EPHA7: variants seen among roughly 807,000 people sequenced by gnomAD.
EPHA7 encodes the protein EPH receptor A7.
EPHA7 carries 25 observed loss-of-function variants against 112.6 expected under a neutral mutation model. The observed-to-expected ratio is 0.22, with a 90% CI of 0.16 to 0.31. The LOEUF (loss-of-function observed/expected upper bound fraction) is 0.31. Among genes scored for constraint, EPHA7 ranks in the 10% least tolerant of loss-of-function variants. EPHA7 has a pLI of 1.00. For missense variants in EPHA7, 962 were observed against 1,212.6 expected (o/e 0.79, Z 3.07); for synonymous variants, 437 against 406.5 (o/e 1.07, Z -0.90).
chr6:93,361,954 A>G (rs1776282189), intron 3 of EPHA7, among the ~76,000 whole-genome samples: 1 of 152,088 alleles, frequency 6.6e-6, no homozygotes, highest in Admixed American at 6.6e-5. Context: ...CATTCACTAT[A>G]TTGATAAAAA....
rs1442332580 is a variant in EPHA7 at position 93,356,805 on chromosome 6, A to C, written c.1236T>G (p.Thr412=). The C allele has an allele frequency of 6.2e-7, 1 of 1,614,182 alleles. No individual in the cohort carries two copies. The highest frequency in any genetic ancestry group is 1.6e-4 in the Middle Eastern group (1 of 6,062). Residue 412 remains threonine (T), a synonymous_variant, in exon 5 of 17, where the codon ACT becomes ACG. Coordinates refer to ENST00000369303, the MANE Select transcript of EPHA7 (RefSeq NM_004440.4). ...CTCCATTTACAGCTTCAACTTCAAA[A>C]GTATAATTAGCGTGGGCTAGCAGGT... ...VMDLLAHANY[T]FEVEAVNGVS...
At chr6:93,341,070 G>A (rs72914257) in intron 5 of EPHA7, among the ~76,000 whole-genome samples, 1 of 151,588 alleles carries the variant, frequency 6.6e-6, no homozygotes, top group Non-Finnish European at 1.5e-5. Context: ...ATTCTTGCTG[G>A]GTAAGCATTA....
At chr6:93,308,336 C>G (rs1773362144) in intron 5 of EPHA7, among the ~76,000 whole-genome samples, 1 of 151,944 alleles carries the variant, frequency 6.6e-6, no homozygotes, top group Admixed American at 6.6e-5. Context: ...TTACATTATA[C>G]CAAAGGAAAA....
At chr6:93,313,209 C>A (rs75964056) in intron 5 of EPHA7, among the ~76,000 whole-genome samples, 2 of 152,022 alleles carry the variant, frequency 1.3e-5, no homozygotes, top group African/African-American at 4.8e-5. Flanking sequence ...AGAATAAAAC[C>A]AGGTATGTCT....
At chr6:93,295,674 A>G (rs898146361) in intron 5 of EPHA7, among the ~76,000 whole-genome samples, 2 of 151,706 alleles carry the variant, frequency 1.3e-5, no homozygotes. Flanking sequence ...ATTTTCTTTG[A>G]AAGTGTTTAT....
At chr6:93,296,145 A>G (rs1772651476) in intron 5 of EPHA7, among the ~76,000 whole-genome samples, 1 of 151,508 alleles carries the variant, frequency 6.6e-6, no homozygotes, top group African/African-American at 2.4e-5. Context: ...ATAGCCCCTT[A>G]TAGATTTAAT....
At chr6:93,250,937 G>A (rs1770180037) in intron 14 of EPHA7, among the ~76,000 whole-genome samples, 1 of 152,018 alleles carries the variant, frequency 6.6e-6, no homozygotes, top group Non-Finnish European at 1.5e-5. Context: ...AAAAACAAAA[G>A]TTACTTACTG....
At chr6:93,284,034 G>A (rs953243181) in intron 5 of EPHA7, among the ~76,000 whole-genome samples, 3 of 152,122 alleles carry the variant, frequency 2.0e-5, no homozygotes, top group Non-Finnish European at 4.4e-5. Flanking sequence ...AAAAATGCTT[G>A]ATAGTTCCAT....
chr6:93,258,948 A>T (rs1402296776), intron 10 of EPHA7, among the ~76,000 whole-genome samples: 1 of 151,936 alleles, frequency 6.6e-6, no homozygotes, highest in South Asian at 2.1e-4. Context: ...ACAATGGCTA[A>T]TACCTACAAA....
intron 5 of EPHA7, among the ~76,000 whole-genome samples, chr6:93,332,735 A>G (rs1466845864): frequency 1.3e-5 from 2 of 151,732 alleles, no homozygotes; most frequent in African/African-American, 4.8e-5. Flanking sequence ...TTGAATTTCA[A>G]ATAAACTGAT....
intron 16 of EPHA7, among the ~76,000 whole-genome samples, 195 bp downstream of exon 16, chr6:93,245,103 A>G (rs1474692234): frequency 6.6e-6 from 1 of 152,220 alleles, no homozygotes; most frequent in Non-Finnish European, 1.5e-5. Flanking sequence ...ATTGTTGTGA[A>G]GGTTAAAAAG....
intron 5 of EPHA7, among the ~76,000 whole-genome samples, chr6:93,285,933 C>A (rs997687313): frequency 6.6e-6 from 1 of 152,110 alleles, no homozygotes; most frequent in African/African-American, 2.4e-5. Context: ...TGGAACACAG[C>A]GGCACCCTTT....
At chr6:93,403,656 T>C (rs973047612) in intron 3 of EPHA7, among the ~76,000 whole-genome samples, 14 of 137,516 alleles carry the variant, frequency 1.0e-4, no homozygotes, top group Admixed American at 7.5e-5. Context: ...GCAACACTCA[T>C]CTCTTAAAAA....
intron 14 of EPHA7, among the ~76,000 whole-genome samples, chr6:93,248,705 C>CAAA (rs1204111987): frequency 6.8e-6 from 1 of 147,426 alleles, no homozygotes; most frequent in Admixed American, 6.8e-5. Flanking sequence ...ACAACAACAA[C>CAAA]AAAAAACGGA....
intron 5 of EPHA7, among the ~76,000 whole-genome samples, chr6:93,291,348 C>T (rs1363101585): frequency 1.3e-5 from 2 of 152,158 alleles, no homozygotes; most frequent in African/African-American, 4.8e-5. Context: ...AAGGCTTTTA[C>T]GGTTTTTGTT....
intron 6 of EPHA7, among the ~76,000 whole-genome samples, chr6:93,270,510 C>G (rs1410706448): frequency 6.6e-6 from 1 of 151,334 alleles, no homozygotes; most frequent in Non-Finnish European, 1.5e-5. Context: ...TTCTCACAAG[C>G]TATTTATGAA....
At chr6:93,395,237 T>G (rs1778108663) in intron 3 of EPHA7, among the ~76,000 whole-genome samples, 1 of 151,910 alleles carries the variant, frequency 6.6e-6, no homozygotes, top group Admixed American at 6.6e-5. Flanking sequence ...TTTGACTTGA[T>G]CTCTAACAAG....
At chr6:93,311,369 A>G (rs1773533210) in intron 5 of EPHA7, among the ~76,000 whole-genome samples, 2 of 152,056 alleles carry the variant, frequency 1.3e-5, no homozygotes, top group African/African-American at 4.8e-5. Flanking sequence ...TAATATTTTA[A>G]GTCCTTCTTT....
chr6:93,263,339 C>T (rs944356849), intron 9 of EPHA7, among the ~76,000 whole-genome samples: 12 of 151,344 alleles, frequency 7.9e-5, no homozygotes, highest in Non-Finnish European at 1.5e-4. Context: ...AATAAGCTAA[C>T]TCAAATCCAT....
Sources: allele counts gnomAD v4.1 joint callset (sites outside exome capture counted in the v4.1 genomes callset), GRCh38; gene constraint gnomAD v4.1.1; transcripts MANE v1.5; gene names NCBI Gene and HGNC (gene_info 2026-07-23, HGNC 2026-07-21).